BDNF: variants seen among roughly 807,000 people sequenced by gnomAD.
BDNF encodes neurotrophic factor BDNF precursor form.
In BDNF, 1 loss-of-function variant was observed where a neutral mutation model predicts 19.5. That is an observed-to-expected ratio of 0.05 (90% CI 0.02 to 0.24). BDNF has a LOEUF of 0.24. BDNF is among the 10% of genes least tolerant of loss of function. The pLI is 1.00. For synonymous variants in BDNF, 100 were observed against 121.6 expected (o/e 0.82, Z 1.17); for missense variants, 195 against 317.6 (o/e 0.61, Z 2.93).
chr11:27,700,495 G>A, upstream of BDNF: 4 of 978,568 alleles, frequency 4.1e-6, no homozygotes, highest in Non-Finnish European at 4.8e-6. Context: ...CTCTTCGGTT[G>A]AGCTTCGATT....
At chr11:27,701,642 A>G (rs1859901354), upstream of BDNF, 1 of 985,752 alleles carries the variant, frequency 1.0e-6, no homozygotes, top group African/African-American at 1.7e-5. Context: ...GTGGGAGTCC[A>G]CGAGAGGGCT....
chr11:27,666,830 G>A (rs1254937869), intron 1 of BDNF, among the ~76,000 whole-genome samples: 1 of 152,174 alleles, frequency 6.6e-6, no homozygotes, highest in East Asian at 1.9e-4. Context: ...ATGGAACCAA[G>A]TTGGAAAACG....
intron 1 of BDNF, chr11:27,674,584 T>C: frequency 1.0e-6 from 1 of 985,214 alleles, no homozygotes; most frequent in Non-Finnish European, 1.2e-6. Context: ...ATTAACATCT[T>C]AGATGACAAA....
rs10835210 is a variant in BDNF, at chr11:27,674,363, C to A, written c.-21-15778G>T. 613,344 of 1,518,238 alleles carry A rather than the reference C, an allele frequency of 0.4. 129,889 individuals carry two copies. Among genetic ancestry groups the A allele is most frequent in the Middle Eastern group, 0.44 (1,854 of 4,198 alleles). The allele number at this position is 1,518,238 out of a possible 1,614,324, so 94.0% of individuals were successfully genotyped here. A position where few individuals can be genotyped will look rare whatever the true frequency, so the allele number is the denominator to read the frequency against. ...CTTAACTGTAAAGCACAGGAAAGTG[C>A]TCATTACTTGTAGCTTAATGCAGGA... On this transcript the variant is annotated intron_variant, in intron 1 of 1. Coordinates refer to ENST00000356660, the MANE Select transcript of BDNF (RefSeq NM_001709.5).
chr11:27,662,816 G>T (rs1275137893), intron 1 of BDNF, among the ~76,000 whole-genome samples: 1 of 152,202 alleles, frequency 6.6e-6, no homozygotes, highest in Non-Finnish European at 1.5e-5. Context: ...TTCCTAACAG[G>T]CCAGGGACTG....
rs931941481 is a variant in BDNF, at chr11:27,656,693, A to G, written c.*1128T>C. On this transcript the variant is annotated 3_prime_UTR_variant, in exon 2 of 2. Coordinates refer to ENST00000356660, the MANE Select transcript of BDNF (RefSeq NM_001709.5). The stretch of plus-strand genomic sequence containing the variant: ...ATACAGGGCTCTACCTTTTGCTTAC[A>G]AGACATTGTTAAGCCTCACCATGAG... 4.1e-6 allele frequency: 4 copies of G among 985,426 alleles called. No homozygotes were observed. The highest frequency in any genetic ancestry group is 4.7e-5 in the South Asian group (1 of 21,274). The allele number at this position is 985,426 out of a possible 1,614,324, so 61.0% of individuals were successfully genotyped here. A position where few individuals can be genotyped will look rare whatever the true frequency, so the allele number is the denominator to read the frequency against.
intron 1 of BDNF, among the ~76,000 whole-genome samples, chr11:27,719,200 C>A (rs937032435): frequency 1.3e-5 from 2 of 152,166 alleles, no homozygotes; most frequent in Non-Finnish European, 2.9e-5. Flanking sequence ...TCTATCTCAC[C>A]CGCCAAGCCC....
chr11:27,661,385 T>C (rs1430522541), intron 1 of BDNF, among the ~76,000 whole-genome samples: 1 of 152,218 alleles, frequency 6.6e-6, no homozygotes, highest in African/African-American at 2.4e-5. Context: ...GAATCAAGTT[T>C]GACAATATAT....
At chr11:27,663,850 G>C (rs1853867225) in intron 1 of BDNF, among the ~76,000 whole-genome samples, 1 of 152,146 alleles carries the variant, frequency 6.6e-6, no homozygotes, top group African/African-American at 2.4e-5. Flanking sequence ...CTACTTTGTA[G>C]GTCTAGATTA....
At chr11:27,702,612 AC>A (rs2134092949), upstream of BDNF, among the ~76,000 whole-genome samples, 1 of 152,270 alleles carries the variant, frequency 6.6e-6, no homozygotes, top group Admixed American at 6.5e-5. Context: ...CCTTTCCTGG[AC>A]CCTCTTGTGG....
At position 27,699,622 on chromosome 11, in the gene BDNF, T is replaced by C. The variant is rs1590458198; in HGVS notation, c.-22+542A>G. 30 of 1,453,622 alleles carry C rather than the reference T, an allele frequency of 2.1e-5. No individual in the cohort carries two copies. In the East Asian group the frequency reaches 7.5e-4, roughly 36 times the overall value. The allele number at this position is 1,453,622 out of a possible 1,614,324, so 90.0% of individuals were successfully genotyped here. On this transcript the variant is annotated intron_variant, in intron 1 of 1. Coordinates refer to ENST00000356660, the MANE Select transcript of BDNF (RefSeq NM_001709.5). ...TTCCAAGCTACATTGGCTTCGGACT[T>C]GTAAGTCCACTTCAGTCTCAATTCC...
At chr11:27,713,360 A>G (rs1286428901) in intron 1 of BDNF, among the ~76,000 whole-genome samples, 2 of 152,234 alleles carry the variant, frequency 1.3e-5, no homozygotes, top group Non-Finnish European at 2.9e-5. Context: ...GAGCCCCTGT[A>G]TAATTAGAAC....
At chr11:27,708,183 A>C (rs1287007689) in intron 1 of BDNF, among the ~76,000 whole-genome samples, 1 of 152,200 alleles carries the variant, frequency 6.6e-6, no homozygotes, top group Non-Finnish European at 1.5e-5. Context: ...AAGTGTAAAC[A>C]ACTTAAGTTA....
chr11:27,699,424 G>A (rs1461023994), intron 1 of BDNF: 2 of 1,614,046 alleles, frequency 1.2e-6, no homozygotes, highest in Admixed American at 1.7e-5. Context: ...ACTAACCCGA[G>A]TCAAGAATCC....
At chr11:27,720,273 C>A in intron 1 of BDNF, 7 of 955,588 alleles carry the variant, frequency 7.3e-6, no homozygotes, top group Non-Finnish European at 8.7e-6. Context: ...CTCCACCACG[C>A]GTCCTCTCCG....
chr11:27,678,572 C>T (rs749680242), intron 1 of BDNF, among the ~76,000 whole-genome samples: 59 of 152,292 alleles, frequency 3.9e-4, no homozygotes, highest in Non-Finnish European at 7.8e-4. Context: ...TGTAAAGATA[C>T]TGATACGAAC....
At chr11:27,685,638 C>G (rs1206388604) in intron 1 of BDNF, among the ~76,000 whole-genome samples, 1 of 152,094 alleles carries the variant, frequency 6.6e-6, no homozygotes, top group Admixed American at 6.6e-5. Context: ...TTTATTTCTG[C>G]CTTCTTTTTG....
chr11:27,672,780 A>G (rs534158568), intron 1 of BDNF, among the ~76,000 whole-genome samples: 10 of 152,210 alleles, frequency 6.6e-5, no homozygotes, highest in Non-Finnish European at 8.8e-5. Flanking sequence ...AATGGCTTTT[A>G]AAAAAGGAAA....
intron 1 of BDNF, chr11:27,659,702 T>C (rs758411136): frequency 2.3e-4 from 227 of 993,592 alleles, no homozygotes; most frequent in Non-Finnish European, 2.7e-4. Flanking sequence ...AAAAGCTGAG[T>C]GGTGTTTTAC....
Sources: allele counts gnomAD v4.1 joint callset (sites outside exome capture counted in the v4.1 genomes callset), GRCh38; gene constraint gnomAD v4.1.1; transcripts MANE v1.5; gene names NCBI Gene and HGNC (gene_info 2026-07-23, HGNC 2026-07-21).